PARD3B: variants seen among roughly 807,000 people sequenced by gnomAD.
The protein encoded by PARD3B is partitioning defective 3 homolog B.
PARD3B carries 103 observed loss-of-function variants against 130.2 expected under a neutral mutation model. That is an observed-to-expected ratio of 0.79 (90% CI 0.67 to 0.93). PARD3B has a LOEUF of 0.93. PARD3B is among the 40% of genes least tolerant of loss of function. The pLI is 0.00. For synonymous variants in PARD3B, 583 were observed against 553.2 expected (o/e 1.05, Z -0.76); for missense variants, 1,609 against 1,499.2 (o/e 1.07, Z -1.21).
intron 11 of PARD3B, among the ~76,000 whole-genome samples, chr2:205,170,700 A>G (rs148714025): frequency 3.8e-4 from 58 of 151,962 alleles, no homozygotes; most frequent in African/African-American, 1.4e-3. Context: ...TCCGAGTTTA[A>G]CGACCCGTCT....
chr2:205,081,596 A>T (rs1701410055), intron 4 of PARD3B, among the ~76,000 whole-genome samples: 2 of 152,080 alleles, frequency 1.3e-5, no homozygotes, highest in South Asian at 4.1e-4. Flanking sequence ...TAATAGGCTG[A>T]GAGTTTTTAA....
In PARD3B at chr2:205,300,435, T is replaced by G; in HGVS notation, c.2186-95T>G. 2 of 1,206,350 alleles carry G rather than the reference T, an allele frequency of 1.7e-6. No individual in the cohort carries two copies. The highest frequency in any genetic ancestry group is 1.4e-5 in the South Asian group (1 of 73,884). 74.7% of individuals were successfully genotyped at this position (1,206,350 alleles called of 1,614,324 possible). A position where few individuals can be genotyped will look rare whatever the true frequency, so the allele number is the denominator to read the frequency against. On this transcript the variant is annotated intron_variant, in intron 16 of 22. Coordinates refer to ENST00000406610, the MANE Select transcript of PARD3B (RefSeq NM_001302769.2). This position sits in a 1 kb window ranked among gnomAD's most constrained non-coding sequence, Gnocchi z 4.1. ...ACTCCCACCCACTTAACACCCCTTT[T>G]TTGGGATGTCCAGACAGAAATATTC...
At chr2:205,029,608 A>G (rs993489331) in intron 3 of PARD3B, among the ~76,000 whole-genome samples, 1 of 152,148 alleles carries the variant, frequency 6.6e-6, no homozygotes, top group Non-Finnish European at 1.5e-5. Context: ...TCTTGCTCCT[A>G]CAGCGCTTTC....
At chr2:204,583,240 G>T (rs2032654869) in intron 1 of PARD3B, among the ~76,000 whole-genome samples, 1 of 107,800 alleles carries the variant, frequency 9.3e-6, no homozygotes, top group Admixed American at 1.1e-4. Context: ...GTCCAACAAT[G>T]ATAGACTGGA....
In PARD3B at chr2:204,906,717, G is replaced by A. The variant is rs2047053412; in HGVS notation, c.223-58435G>A. On this transcript the variant is annotated intron_variant, in intron 2 of 22. Coordinates refer to ENST00000406610, the MANE Select transcript of PARD3B (RefSeq NM_001302769.2). This position sits in a 1 kb window ranked among gnomAD's most constrained non-coding sequence, Gnocchi z 4.3. ...GTTTTTACATTTAGCCTGACTTCCA[G>A]CCATGGAGAAAACTTTCTTTGTAAT... 6.6e-6 allele frequency among the ~76,000 whole-genome samples: 1 copy of A among 152,104 alleles called. No individual in the cohort carries two copies. The highest frequency in any genetic ancestry group is 1.5e-5 in the Non-Finnish European group (1 of 68,010).
At chr2:205,576,084 G>C (rs1326742801) in intron 22 of PARD3B, among the ~76,000 whole-genome samples, 1 of 152,112 alleles carries the variant, frequency 6.6e-6, no homozygotes, top group African/African-American at 2.4e-5. Flanking sequence ...GTATGTAGTA[G>C]TATTTCATTG....
At chr2:205,068,235 G>A (rs979464734) in intron 4 of PARD3B, among the ~76,000 whole-genome samples, 4 of 152,102 alleles carry the variant, frequency 2.6e-5, no homozygotes, top group Non-Finnish European at 5.9e-5. Context: ...ATGAATTTTT[G>A]TGTGTTGCCA....
At chr2:204,934,562 C>T (rs1340063354) in intron 2 of PARD3B, among the ~76,000 whole-genome samples, 2 of 152,078 alleles carry the variant, frequency 1.3e-5, no homozygotes, top group Admixed American at 1.3e-4. Context: ...TCTTTATGCT[C>T]AGTTATAGAA....
At position 205,078,284 on chromosome 2, in the gene PARD3B, T is replaced by G. The variant is rs192596183; in HGVS notation, c.505-26142T>G. 1.1e-4 allele frequency among the ~76,000 whole-genome samples: 17 copies of G among 152,348 alleles called. No homozygotes were observed. Among genetic ancestry groups the G allele is most frequent in the Non-Finnish European group, 2.4e-4 (16 of 68,032 alleles). On this transcript the variant is annotated intron_variant, in intron 4 of 22. Transcript: ENST00000406610. The surrounding 1 kb of genome is among the most constrained non-coding windows in gnomAD (Gnocchi z 4.0). ...TATAATTTAGCTTTGTTCCTTTTAT[T>G]AGATGTGACAGAGCAATTTAGTATT...
intron 2 of PARD3B, among the ~76,000 whole-genome samples, chr2:204,857,044 T>A (rs2044975226): frequency 6.6e-6 from 1 of 152,092 alleles, no homozygotes; most frequent in South Asian, 2.1e-4. Flanking sequence ...TGTTCCATAT[T>A]TGACCCCCAC....
intron 21 of PARD3B, among the ~76,000 whole-genome samples, chr2:205,542,354 TTGTGTGTGTGTGTG>T (rs143438143): frequency 6.9e-5 from 10 of 145,106 alleles, no homozygotes; most frequent in South Asian, 4.4e-4. Flanking sequence ...TAGTTTGTGT[TTGTGTGTGTGTGTG>T]TGTGTGTGTG....
chr2:204,727,373 A>C lies in PARD3B; in HGVS notation c.222+41091A>C, dbSNP rs114906434. Among the ~76,000 whole-genome samples the C allele has an allele frequency of 6.8e-4, 103 of 152,332 alleles. No individual in the cohort carries two copies. The Middle Eastern group carries it at 0.014, about 20-fold the overall frequency. ...AATATCCAGAATCCTGCAGTCAGCTATATAGGAGACTACATGTCGATGTCT... is the reference window on the plus strand; with the variant it reads ...AATATCCAGAATCCTGCAGTCAGCTCTATAGGAGACTACATGTCGATGTCT... On this transcript the variant is annotated intron_variant, in intron 2 of 22. Transcript: ENST00000406610.
At chr2:204,551,532 C>G (rs1244052112) in intron 1 of PARD3B, among the ~76,000 whole-genome samples, 18 of 152,148 alleles carry the variant, frequency 1.2e-4, no homozygotes, top group Non-Finnish European at 5.9e-5. Flanking sequence ...GCTCCTGGAT[C>G]TTCTCTCCCC....
At chr2:205,347,436 T>C (rs1205971860) in intron 18 of PARD3B, among the ~76,000 whole-genome samples, 1 of 152,234 alleles carries the variant, frequency 6.6e-6, no homozygotes, top group Non-Finnish European at 1.5e-5. Flanking sequence ...AACCTTTATA[T>C]GAATACCCAG....
rs542674465 is a variant in PARD3B, at chr2:205,107,462, C to T, written c.593+2948C>T. 4.6e-5 allele frequency among the ~76,000 whole-genome samples: 7 copies of T among 152,234 alleles called. No individual in the cohort carries two copies. The East Asian group carries it at 1.2e-3, about 25-fold the overall frequency. The stretch of plus-strand genomic sequence containing the variant: ...TTAAATGAGATATAGTACAGACAAC[C>T]GACTTAGCACAATGCTAAATGAAAG... On this transcript the variant is annotated intron_variant, in intron 5 of 22. Coordinates refer to ENST00000406610, the MANE Select transcript of PARD3B (RefSeq NM_001302769.2).
chr2:204,729,441 T>G (rs912487326), intron 2 of PARD3B, among the ~76,000 whole-genome samples: 11 of 152,296 alleles, frequency 7.2e-5, no homozygotes, highest in Non-Finnish European at 1.6e-4. Flanking sequence ...AGCCTCTGTT[T>G]CCATAAAGCT....
In PARD3B at chr2:204,678,966, C is replaced by T. The variant is rs570149969; in HGVS notation, c.121-7215C>T. On this transcript the variant is annotated intron_variant, in intron 1 of 22. Coordinates refer to ENST00000406610, the MANE Select transcript of PARD3B (RefSeq NM_001302769.2). This position sits in a 1 kb window ranked among gnomAD's most constrained non-coding sequence, Gnocchi z 4.2. ...CTTTCTACTCACCACCCTTCCCCCT[C>T]ACAAGGAGTAACCAGTCTCGTGACT... Among the ~76,000 whole-genome samples, 4 of 152,300 alleles carry T rather than the reference C, an allele frequency of 2.6e-5. No individual in the cohort carries two copies. In the South Asian group the frequency reaches 6.2e-4, roughly 24 times the overall value.
intron 2 of PARD3B, among the ~76,000 whole-genome samples, chr2:204,777,239 T>C (rs1019445939): frequency 6.6e-6 from 1 of 152,136 alleles, no homozygotes; most frequent in African/African-American, 2.4e-5. Flanking sequence ...CAGATCATTT[T>C]TTTTCCCCTG....
At chr2:204,921,930 A>G (rs1254134536) in intron 2 of PARD3B, among the ~76,000 whole-genome samples, 1 of 152,138 alleles carries the variant, frequency 6.6e-6, no homozygotes, top group Non-Finnish European at 1.5e-5. Flanking sequence ...GAGTTGTACA[A>G]CTGTTGGGAT....
Sources: gnomAD v4.1 joint callset for allele counts (sites outside exome capture counted in the v4.1 genomes callset) on GRCh38, gnomAD v4.1.1 for gene constraint, Gnocchi (gnomAD v3.1) non-coding constraint, MANE v1.5 for transcripts, NCBI Gene and HGNC (gene_info 2026-07-23, HGNC 2026-07-21) for gene names.